ABCC11: variants seen among roughly 807,000 people sequenced by gnomAD.
ABCC11 encodes the protein ATP-binding cassette sub-family C member 11.
A neutral mutation model predicts 149.3 loss-of-function variants in ABCC11; 135 were observed. The observed-to-expected ratio is 0.90, with a 90% confidence interval of 0.79 to 1.04. ABCC11 has a LOEUF of 1.04. Ranked by LOEUF, ABCC11 falls within the 50% of genes least tolerant of loss-of-function variation. ABCC11 has a pLI of 0.00. For missense variants in ABCC11, 1,680 were observed against 1,722.1 expected (o/e 0.98, Z 0.43); for synonymous variants, 665 against 671.4 (o/e 0.99, Z 0.15).
intron 20 of ABCC11, among the ~76,000 whole-genome samples, chr16:48,188,652 T>C (rs1966845123): frequency 6.6e-6 from 1 of 152,326 alleles, no homozygotes; most frequent in South Asian, 2.1e-4. Flanking sequence ...AACTGAAGAT[T>C]GCAGAAGAGG....
intron 12 of ABCC11, 28 bp downstream of exon 12, chr16:48,208,397 G>A: frequency 6.2e-7 from 1 of 1,613,724 alleles, no homozygotes; most frequent in Non-Finnish European, 8.5e-7. Context: ...CCTGCAGACA[G>A]GCAAGCATGT....
chr16:48,180,839 T>C (rs1252427662), intron 23 of ABCC11, among the ~76,000 whole-genome samples: 1 of 152,176 alleles, frequency 6.6e-6, no homozygotes, highest in Non-Finnish European at 1.5e-5. Context: ...ACTTGGAAAG[T>C]ACTGAAGGAC....
intron 11 of ABCC11, among the ~76,000 whole-genome samples, chr16:48,208,971 C>A (rs1162265273): frequency 6.6e-6 from 1 of 152,158 alleles, no homozygotes; most frequent in Non-Finnish European, 1.5e-5. Flanking sequence ...AAAGACCTCA[C>A]ATTGAGCTCA....
intron 18 of ABCC11, among the ~76,000 whole-genome samples, chr16:48,195,325 T>C (rs1967298633): frequency 6.6e-6 from 1 of 152,316 alleles, no homozygotes; most frequent in South Asian, 2.1e-4. Context: ...GCTAGATCCA[T>C]TCATGCATTT....
At chr16:48,207,796 C>T (rs915322663) in intron 12 of ABCC11, among the ~76,000 whole-genome samples, 2 of 152,068 alleles carry the variant, frequency 1.3e-5, no homozygotes, top group Non-Finnish European at 2.9e-5. Flanking sequence ...TCAAACTCGT[C>T]CACAGGGGAT....
intron 23 of ABCC11, among the ~76,000 whole-genome samples, chr16:48,182,030 C>T (rs936558655): frequency 6.6e-6 from 1 of 152,150 alleles, no homozygotes; most frequent in Admixed American, 6.5e-5. Flanking sequence ...AGCTCCCAGT[C>T]AGCCCAGCTG....
chr16:48,236,737 G>C (rs1639618854), intron 1 of ABCC11, among the ~76,000 whole-genome samples: 1 of 152,196 alleles, frequency 6.6e-6, no homozygotes, highest in Non-Finnish European at 1.5e-5. Flanking sequence ...ACAGTGACAG[G>C]ATTGAAAGAG....
chr16:48,242,387 C>T (rs1446817091), intron 1 of ABCC11, among the ~76,000 whole-genome samples: 1 of 152,072 alleles, frequency 6.6e-6, no homozygotes. Flanking sequence ...ATTAAAAAGT[C>T]AGGAAACAAC....
At chr16:48,173,561 T>C (rs1029644738) in intron 26 of ABCC11, among the ~76,000 whole-genome samples, 1 of 152,214 alleles carries the variant, frequency 6.6e-6, no homozygotes, top group African/African-American at 2.4e-5. Flanking sequence ...TACTGTAACA[T>C]AGAAATCTAT....
intron 28 of ABCC11, among the ~76,000 whole-genome samples, chr16:48,168,313 T>A (rs964043485): frequency 1.6e-4 from 24 of 152,070 alleles, no homozygotes; most frequent in African/African-American, 5.1e-4. Flanking sequence ...AATAAGGAAG[T>A]GTGAAGAAAG....
At chr16:48,222,914 G>C in intron 5 of ABCC11, 83 bp from the exon 6 acceptor site, 1 of 1,192,482 alleles carries the variant, frequency 8.4e-7, no homozygotes, top group Middle Eastern at 2.0e-4. Flanking sequence ...AGGGTTGGGA[G>C]GTCTGATTCA....
chr16:48,219,014 C>T (rs986078885), intron 6 of ABCC11, among the ~76,000 whole-genome samples: 16 of 152,084 alleles, frequency 1.1e-4, no homozygotes, highest in African/African-American at 3.1e-4. Context: ...TAAAAAATCC[C>T]CCAAAAGCTA....
At chr16:48,244,475 G>A (rs773415637) in intron 1 of ABCC11, 3 of 1,598,814 alleles carry the variant, frequency 1.9e-6, no homozygotes, top group African/African-American at 1.3e-5. Context: ...GCTCCACCAT[G>A]CGCACCAGCG....
intron 15 of ABCC11, among the ~76,000 whole-genome samples, chr16:48,199,331 G>A (rs1344270819): frequency 3.3e-5 from 5 of 151,930 alleles, no homozygotes; most frequent in African/African-American, 1.2e-4. Context: ...TGTTTAATCT[G>A]GGTGGTAGAT....
intron 23 of ABCC11, among the ~76,000 whole-genome samples, chr16:48,183,569 C>A (rs1439324609): frequency 6.6e-6 from 1 of 152,244 alleles, no homozygotes; most frequent in Admixed American, 6.5e-5. Flanking sequence ...CAAGACCAGC[C>A]TGGCCAACAT....
At chr16:48,183,723 A>C (rs1436775365) in intron 23 of ABCC11, among the ~76,000 whole-genome samples, 1 of 152,230 alleles carries the variant, frequency 6.6e-6, no homozygotes, top group Non-Finnish European at 1.5e-5. Flanking sequence ...AGATCGTGCC[A>C]CTGTGCTCCA....
At chr16:48,180,294 C>T (rs1966347278) in intron 23 of ABCC11, among the ~76,000 whole-genome samples, 1 of 152,242 alleles carries the variant, frequency 6.6e-6, no homozygotes. Flanking sequence ...GTTATCTCCT[C>T]TCCAGCCTTT....
At chr16:48,228,167 G>T (rs377268079) in intron 3 of ABCC11, among the ~76,000 whole-genome samples, 1 of 150,160 alleles carries the variant, frequency 6.7e-6, no homozygotes, top group South Asian at 2.1e-4. Flanking sequence ...GAGAAATTAT[G>T]ATCTACCCAT....
intron 14 of ABCC11, 148 bp downstream of exon 14, chr16:48,203,080 A>C (rs1968133231): frequency 1.2e-6 from 1 of 858,984 alleles, no homozygotes; most frequent in Non-Finnish European, 1.8e-6. Context: ...CAGTGAGGGA[A>C]GCTTTGCTCC....
Sources: gnomAD v4.1 joint callset for allele counts (sites outside exome capture counted in the v4.1 genomes callset) on GRCh38, gnomAD v4.1.1 for gene constraint, MANE v1.5 for transcripts, NCBI Gene and HGNC (gene_info 2026-07-23, HGNC 2026-07-21) for gene names.